SULT1E1: variants seen among roughly 807,000 people sequenced by gnomAD.
The protein encoded by SULT1E1 is sulfotransferase family 1E member 1.
In SULT1E1, 36 loss-of-function variants were observed where a neutral mutation model predicts 33.6. The observed-to-expected ratio is 1.07, with a 90% confidence interval of 0.82 to 1.41. SULT1E1 has a LOEUF of 1.41. SULT1E1 is among the 40% of genes most tolerant of loss of function. The pLI is 0.00. For synonymous variants in SULT1E1, 121 were observed against 111.7 expected (o/e 1.08, Z -0.53); for missense variants, 371 against 345.7 (o/e 1.07, Z -0.58).
At chr4:69,837,392 G>T (rs1720812125), downstream of SULT1E1, among the ~76,000 whole-genome samples, 1 of 151,668 alleles carries the variant, frequency 6.6e-6, no homozygotes, top group East Asian at 1.9e-4. Flanking sequence ...TCTTATTAAG[G>T]TTTATTTGGC....
At chr4:69,822,629 A>G in the SULT1E1 span, among the ~76,000 whole-genome samples, 1 of 152,152 alleles carries the variant, frequency 6.6e-6, no homozygotes, top group East Asian at 1.9e-4. Context: ...GAATTACTCT[A>G]GGTTCTGTAC....
Position 69,841,462 on chromosome 4 carries a change from T to A in SULT1E1, c.*532A>T, listed in dbSNP as rs1720884264. 1 of 152,526 alleles carries A rather than the reference T, an allele frequency of 6.6e-6. No individual in the cohort carries two copies. Among genetic ancestry groups the A allele is most frequent in the Non-Finnish European group, 1.5e-5 (1 of 68,302 alleles). The allele number at this position is 152,526 out of a possible 1,614,324, so 9.4% of individuals were successfully genotyped here. On this transcript the variant is annotated 3_prime_UTR_variant, in exon 8 of 8. Transcript: ENST00000226444. ...CAGGCATGGAGGCTCAAGCCTGTAATCCCAGTATTTTGGGAGGCTGGTGTG... is the reference window on the plus strand; with the variant it reads ...CAGGCATGGAGGCTCAAGCCTGTAAACCCAGTATTTTGGGAGGCTGGTGTG...
Position 69,842,296 on chromosome 4 carries a change from T to TA in SULT1E1, c.773-191dup, listed in dbSNP as rs538643090. ...AAAGATGGATTTGTCCTAATTGGTT[T>TA]AAAAAAACAACAAATTTAATTCTCT... On this transcript the variant is annotated intron_variant, in intron 7 of 7. Coordinates refer to ENST00000226444, the MANE Select transcript of SULT1E1 (RefSeq NM_005420.3). Among the ~76,000 whole-genome samples, 21 of 152,328 alleles carry TA rather than the reference T, an allele frequency of 1.4e-4. No individual in the cohort carries two copies. In the East Asian group the frequency reaches 2.9e-3, roughly 21 times the overall value.
intron 3 of SULT1E1, among the ~76,000 whole-genome samples, chr4:69,855,059 T>C (rs1721207934): frequency 6.6e-6 from 1 of 152,066 alleles, no homozygotes; most frequent in Non-Finnish European, 1.5e-5. Context: ...GTTTACATAT[T>C]ACTAAACTCT....
chr4:69,847,743 T>C lies in SULT1E1; in HGVS notation c.546A>G (p.Gly182=), dbSNP rs1425709295. 1.2e-6 allele frequency: 2 copies of C among 1,609,946 alleles called. No homozygotes were observed. The highest frequency in any genetic ancestry group is 2.7e-5 in the African/African-American group (2 of 74,716). ...AAAGAAATAGTACACGTGGACTCTT[T>C]CCCTTTTCCCACCAAGATTTTACAT... ...YKHVKSWWEK[G]KSPRVLFLFY... Residue 182 remains glycine, a synonymous_variant, in exon 6 of 8, where the codon GGA becomes GGG. Transcript: ENST00000226444.
At chr4:69,859,224 C>T (rs1204141607) in intron 1 of SULT1E1, among the ~76,000 whole-genome samples, 1 of 151,922 alleles carries the variant, frequency 6.6e-6, no homozygotes, top group Admixed American at 6.6e-5. Context: ...AAGTGTTTTT[C>T]CTTCCCGCTC....
At chr4:69,828,226 A>T in the SULT1E1 span, among the ~76,000 whole-genome samples, 1 of 152,224 alleles carries the variant, frequency 6.6e-6, no homozygotes, top group Non-Finnish European at 1.5e-5. Context: ...CACCCAAGCC[A>T]GCAGCGGCAA....
At chr4:69,844,071 T>G in intron 7 of SULT1E1, 90 bp downstream of exon 7, 1 of 1,173,002 alleles carries the variant, frequency 8.5e-7, no homozygotes, top group Non-Finnish European at 1.3e-6. Flanking sequence ...GCTGGGTTCA[T>G]AGGCATTAAA....
At chr4:69,840,828 C>T (rs1457256027), downstream of SULT1E1, among the ~76,000 whole-genome samples, 6 of 152,076 alleles carry the variant, frequency 3.9e-5, no homozygotes, top group African/African-American at 7.2e-5. Flanking sequence ...GGGTGGATCA[C>T]GAGGTCAGGA....
chr4:69,846,939 C>T (rs573628345), intron 6 of SULT1E1, among the ~76,000 whole-genome samples: 181 of 151,832 alleles, frequency 1.2e-3, no homozygotes, highest in African/African-American at 4.3e-3. Context: ...ATTCTCTTTA[C>T]ACTCTTCTTC....
At chr4:69,823,466 G>A in the SULT1E1 span, among the ~76,000 whole-genome samples, 1 of 152,074 alleles carries the variant, frequency 6.6e-6, no homozygotes, top group Non-Finnish European at 1.5e-5. Context: ...TTCCTCTTTA[G>A]AAGGTGGAGT....
In SULT1E1 at chr4:69,841,224, C is replaced by T. The variant is rs1430979756; in HGVS notation, c.*770G>A. 6.6e-6 allele frequency: 1 copy of T among 152,052 alleles called. No homozygotes were observed. The highest frequency in any genetic ancestry group is 2.4e-5 in the African/African-American group (1 of 41,382). The allele number at this position is 152,052 out of a possible 1,614,324, so 9.4% of individuals were successfully genotyped here. On this transcript the variant is annotated 3_prime_UTR_variant, in exon 8 of 8. Coordinates refer to ENST00000226444, the MANE Select transcript of SULT1E1 (RefSeq NM_005420.3). ...TCAATCACAAAAATAATTTGAAATG[C>T]TTGTTTATTTTTAATACAACTCTAA...
rs1479738243 is a variant in SULT1E1 at position 69,841,916 on chromosome 4, C to A, written c.*78G>T. ...TAATCCATGATTATGTCTTTTCTAG[C>A]AATCTAAAATAAGAAAAAGTGGAGA... On this transcript the variant is annotated 3_prime_UTR_variant, in exon 8 of 8. Coordinates refer to ENST00000226444, the MANE Select transcript of SULT1E1 (RefSeq NM_005420.3). 9.4e-6 allele frequency: 7 copies of A among 740,884 alleles called. No individual in the cohort carries two copies. The highest frequency in any genetic ancestry group is 5.9e-5 in the South Asian group (3 of 50,746). 45.9% of individuals were successfully genotyped at this position (740,884 alleles called of 1,614,324 possible).
intron 4 of SULT1E1, among the ~76,000 whole-genome samples, chr4:69,850,113 G>A (rs1721072140): frequency 6.6e-6 from 1 of 151,944 alleles, no homozygotes; most frequent in Admixed American, 6.6e-5. Context: ...CCAACACCTT[G>A]TTAGTTTCCA....
At chr4:69,846,133 A>G (rs1720971141) in intron 6 of SULT1E1, among the ~76,000 whole-genome samples, 2 of 150,158 alleles carry the variant, frequency 1.3e-5, no homozygotes, top group Admixed American at 1.3e-4. Flanking sequence ...TATGTTTTCT[A>G]TGTTTTAAAA....
the SULT1E1 span, among the ~76,000 whole-genome samples, chr4:69,828,622 A>G: frequency 6.6e-6 from 1 of 152,220 alleles, no homozygotes; most frequent in African/African-American, 2.4e-5. Context: ...GAAGTCAACA[A>G]GACCAAGAAC....
At chr4:69,844,640 A>G (rs185663387) in intron 6 of SULT1E1, among the ~76,000 whole-genome samples, 50 of 152,272 alleles carry the variant, frequency 3.3e-4, no homozygotes, top group Admixed American at 3.3e-3. Context: ...ATGAAAACAA[A>G]CATCATACTC....
the SULT1E1 span, among the ~76,000 whole-genome samples, chr4:69,833,268 C>T: frequency 1.3e-5 from 2 of 152,084 alleles, no homozygotes; most frequent in Non-Finnish European, 2.9e-5. Context: ...ATGTAAAATA[C>T]CTAGTTTCAT....
intron 7 of SULT1E1, 93 bp from the exon 8 acceptor site, chr4:69,842,199 A>T: frequency 1.5e-6 from 1 of 687,520 alleles, no homozygotes; most frequent in Non-Finnish European, 2.5e-6. Context: ...CACCTAATCA[A>T]ATATTATACT....
Sources: gnomAD v4.1 joint callset for allele counts (sites outside exome capture counted in the v4.1 genomes callset) on GRCh38, gnomAD v4.1.1 for gene constraint, MANE v1.5 for transcripts, NCBI Gene and HGNC (gene_info 2026-07-23, HGNC 2026-07-21) for gene names.